The following DIAPH2 variants were observed in gnomAD, a reference collection of about 807,000 sequenced individuals.
DIAPH2 encodes protein diaphanous homolog 2.
A neutral mutation model predicts 92.7 loss-of-function variants in DIAPH2; 35 were observed. That is an observed-to-expected ratio of 0.38 (90% CI 0.29 to 0.50). DIAPH2 has a LOEUF of 0.50. Among genes scored for constraint, DIAPH2 ranks in the 20% least tolerant of loss-of-function variants. The pLI, the probability that DIAPH2 is intolerant of heterozygous loss-of-function variation, is 0.94. For synonymous variants in DIAPH2, 301 were observed against 280.4 expected, an observed-to-expected ratio of 1.07 and a Z score of -0.73; for missense variants, 701 against 819.5, an observed-to-expected ratio of 0.86 and a Z score of 1.77.
chrX:97,251,910 G>A (rs1446105565), intron 23 of DIAPH2, among the ~76,000 whole-genome samples: 2 of 111,607 alleles, frequency 1.8e-5, no homozygotes, highest in Admixed American at 1.9e-4. Context: ...GTGTCCTTCA[G>A]CTCAAAGTAT....
chrX:96,718,512 C>A (rs778842357), intron 1 of DIAPH2, among the ~76,000 whole-genome samples: 1 of 108,353 alleles, frequency 9.2e-6, no homozygotes, highest in Admixed American at 9.9e-5. Context: ...TGCCATCATA[C>A]CCAGCTAATT....
chrX:96,898,695 G>T (rs1387751057), intron 5 of DIAPH2, among the ~76,000 whole-genome samples: 1 of 107,326 alleles, frequency 9.3e-6, no homozygotes, highest in African/African-American at 3.3e-5. Flanking sequence ...CACTCTGATG[G>T]TAGTTCTTTT....
At chrX:96,713,124 AAAGAGATGATAAAG>A (rs1448287672) in intron 1 of DIAPH2, among the ~76,000 whole-genome samples, 2 of 111,565 alleles carry the variant, frequency 1.8e-5, no homozygotes, top group Non-Finnish European at 3.8e-5. Context: ...CATGCATGTA[AAAGAGATGATAAAG>A]GGGACCTGGA....
chrX:96,871,424 C>T (rs983935893), intron 4 of DIAPH2, among the ~76,000 whole-genome samples: 23 of 98,645 alleles, frequency 2.3e-4, no homozygotes, highest in African/African-American at 8.6e-4. Context: ...GAGCCGAGAT[C>T]GCGCCACCGT....
intron 22 of DIAPH2, among the ~76,000 whole-genome samples, chrX:97,214,372 G>A (rs1486637299): frequency 1.8e-5 from 2 of 110,800 alleles, no homozygotes; most frequent in Non-Finnish European, 3.8e-5. Context: ...AGGAGGCTAA[G>A]GCAGGAAGAC....
intron 4 of DIAPH2, among the ~76,000 whole-genome samples, chrX:96,816,368 G>A (rs1239410967): frequency 9.0e-6 from 1 of 111,664 alleles, no homozygotes; most frequent in Non-Finnish European, 1.9e-5. Flanking sequence ...AGGATAAAAG[G>A]GTCACCATCT....
intron 22 of DIAPH2, among the ~76,000 whole-genome samples, chrX:97,224,694 C>T (rs897829805): frequency 1.8e-5 from 2 of 111,458 alleles, no homozygotes; most frequent in Admixed American, 1.9e-4. Flanking sequence ...TTATTTGAGT[C>T]ATTCATTGTA....
At chrX:96,937,384 T>C in intron 11 of DIAPH2, 33 bp downstream of exon 11, 1 of 955,311 alleles carries the variant, frequency 1.0e-6, no homozygotes. Flanking sequence ...ACAATTTTGT[T>C]TGCATTGTGA....
chrX:97,024,546 C>T (rs1032283389), intron 17 of DIAPH2, among the ~76,000 whole-genome samples: 13 of 111,904 alleles, frequency 1.2e-4, no homozygotes, highest in African/African-American at 3.6e-4. Context: ...GAAGGCTTGT[C>T]CTCTTTCCCT....
intron 26 of DIAPH2, among the ~76,000 whole-genome samples, chrX:97,462,017 G>A (rs1369472099): frequency 1.8e-5 from 2 of 111,086 alleles, no homozygotes; most frequent in Admixed American, 9.6e-5. Flanking sequence ...TGAAAAGGAG[G>A]AGGGGTTATG....
At chrX:97,162,219 A>G (rs2067379521) in intron 22 of DIAPH2, among the ~76,000 whole-genome samples, 1 of 111,013 alleles carries the variant, frequency 9.0e-6, no homozygotes, top group African/African-American at 3.3e-5. Context: ...GAAGCAGTAT[A>G]GTGTGGTGGT....
chrX:96,704,276 C>G (rs779199186), intron 1 of DIAPH2, among the ~76,000 whole-genome samples: 1 of 111,932 alleles, frequency 8.9e-6, no homozygotes, highest in Admixed American at 9.5e-5. Context: ...TGGCAAAATC[C>G]CTTTTGAGCC....
At chrX:97,498,925 G>C (rs73554313) in intron 26 of DIAPH2, among the ~76,000 whole-genome samples, 241 of 111,356 alleles carry the variant, frequency 2.2e-3, no homozygotes, top group African/African-American at 7.6e-3. Context: ...CTGACTCCTA[G>C]AGTGGGGTAA....
chrX:97,541,928 A>G (rs1282842487), intron 26 of DIAPH2, among the ~76,000 whole-genome samples: 1 of 112,639 alleles, frequency 8.9e-6, no homozygotes, highest in African/African-American at 3.2e-5. Context: ...TAAATTACCA[A>G]TTAGGATCAT....
rs1376460425 is a variant in DIAPH2, at chrX:96,823,891, A to G, written c.448-57688A>G. Among the ~76,000 whole-genome samples, 5 of 108,654 alleles carry G rather than the reference A, an allele frequency of 4.6e-5. No homozygotes were observed. In the East Asian group the frequency reaches 1.4e-3, roughly 31 times the overall value. The allele number at this position is 108,654 out of a possible 115,157, so 94.4% of individuals were successfully genotyped here. ...AGTTAGCATTTCTTTTAGATATTCA[A>G]AAGGACAAGTATGTTATATACTCTT... is the stretch of plus-strand genomic sequence containing the variant. On this transcript the variant is annotated intron_variant, in intron 4 of 26. Transcript: ENST00000324765.
chrX:96,868,968 G>C (rs1478288196), intron 4 of DIAPH2, among the ~76,000 whole-genome samples: 2 of 111,861 alleles, frequency 1.8e-5, no homozygotes, highest in African/African-American at 6.5e-5. Flanking sequence ...AAAAGCTTTT[G>C]CTTTAGTATG....
At chrX:97,392,429 T>G (rs2069668219) in intron 25 of DIAPH2, among the ~76,000 whole-genome samples, 2 of 112,021 alleles carry the variant, frequency 1.8e-5, no homozygotes, top group Non-Finnish European at 1.9e-5. Context: ...AACATTAAAC[T>G]GTGTGCTGAT....
chrX:97,355,044 T>C (rs2069252451), intron 24 of DIAPH2, among the ~76,000 whole-genome samples: 1 of 112,319 alleles, frequency 8.9e-6, no homozygotes, highest in African/African-American at 3.2e-5. Flanking sequence ...CTTCCTTCTA[T>C]CTTAAGTAAT....
At chrX:97,114,515 AT>A (rs1409108995) in intron 20 of DIAPH2, among the ~76,000 whole-genome samples, 3 of 112,231 alleles carry the variant, frequency 2.7e-5, no homozygotes, top group African/African-American at 9.7e-5. Flanking sequence ...AGGATGATTT[AT>A]TTTTTTAAAA....
Sources: allele counts gnomAD v4.1 joint callset (sites outside exome capture counted in the v4.1 genomes callset), GRCh38; gene constraint gnomAD v4.1.1; transcripts MANE v1.5; gene names NCBI Gene and HGNC (gene_info 2026-07-23, HGNC 2026-07-21).